Variants in RORB observed in about 807,000 individuals in gnomAD.
RORB encodes the protein nuclear receptor ROR-beta.
Under a neutral mutation model 59.1 loss-of-function variants are expected in RORB, and 6 were observed. The ratio of observed to expected loss-of-function variants is 0.10; its 90% confidence interval spans 0.06 to 0.20. The LOEUF (loss-of-function observed/expected upper bound fraction) is 0.20. Among genes scored for constraint, RORB ranks in the 10% least tolerant of loss-of-function variants. The pLI, the probability that RORB is intolerant of heterozygous loss-of-function variation, is 1.00. For missense variants in RORB, 320 were observed against 560.5 expected (o/e 0.57, Z 4.33); for synonymous variants, 215 against 204.5 (o/e 1.05, Z -0.44).
At chr9:74,571,365 G>A (rs1275917253) in intron 1 of RORB, among the ~76,000 whole-genome samples, 1 of 149,866 alleles carries the variant, frequency 6.7e-6, no homozygotes, top group South Asian at 2.1e-4. Context: ...GTACTCCGGA[G>A]CAGTATTTTT....
chr9:74,557,234 T>C (rs1288917143), intron 1 of RORB, among the ~76,000 whole-genome samples: 1 of 152,204 alleles, frequency 6.6e-6, no homozygotes, highest in Non-Finnish European at 1.5e-5. Context: ...TGGCATTCTC[T>C]AACATCGTTG....
chr9:74,608,556 T>A (rs1823185104), intron 1 of RORB, among the ~76,000 whole-genome samples: 1 of 99,712 alleles, frequency 1.0e-5, no homozygotes, highest in African/African-American at 3.6e-5. Flanking sequence ...AGAGTGAGAC[T>A]CCGTCTCAAA....
At chr9:74,682,809 C>A (rs1180011610) in intron 9 of RORB, among the ~76,000 whole-genome samples, 1 of 152,196 alleles carries the variant, frequency 6.6e-6, no homozygotes, top group Non-Finnish European at 1.5e-5. Flanking sequence ...CCAGGCTGGT[C>A]TCAAACTCCT....
intron 1 of RORB, among the ~76,000 whole-genome samples, chr9:74,552,241 G>C (rs531896036): frequency 2.0e-3 from 301 of 152,290 alleles, no homozygotes; most frequent in African/African-American, 7.0e-3. Flanking sequence ...CAGTGGAAGT[G>C]ATCAAGTGTT....
intron 1 of RORB, among the ~76,000 whole-genome samples, chr9:74,553,304 A>T (rs1563935753): frequency 6.6e-6 from 1 of 152,170 alleles, no homozygotes; most frequent in Non-Finnish European, 1.5e-5. Context: ...CTGTTTCAGG[A>T]ACCAAACATT....
chr9:74,543,271 C>G (rs1485266027), intron 1 of RORB, among the ~76,000 whole-genome samples: 1 of 152,158 alleles, frequency 6.6e-6, no homozygotes, highest in African/African-American at 2.4e-5. Context: ...GTTTTCACCC[C>G]AGTAGTATCT....
chr9:74,497,944 C>T lies in RORB; in HGVS notation c.-33C>T. The T allele has an allele frequency of 6.2e-7, 1 of 1,611,336 alleles. No individual in the cohort carries two copies. Among genetic ancestry groups the T allele is most frequent in the Non-Finnish European group, 8.5e-7 (1 of 1,179,066 alleles). On this transcript the variant is annotated 5_prime_UTR_variant, in exon 1 of 10. Transcript: ENST00000376896. ...CCGGGGTTCGGGCTGGGAGCAGCTT[C>T]ATGACTACGCGGAGCGGGAGAGCGG...
intron 1 of RORB, among the ~76,000 whole-genome samples, chr9:74,540,345 C>T (rs1474850828): frequency 3.9e-5 from 6 of 152,094 alleles, no homozygotes; most frequent in Non-Finnish European, 8.8e-5. Context: ...TAACCTCAGT[C>T]ACATTATTTA....
chr9:74,530,553 G>A (rs1170853526), intron 1 of RORB, among the ~76,000 whole-genome samples: 3 of 151,978 alleles, frequency 2.0e-5, no homozygotes, highest in Non-Finnish European at 2.9e-5. Context: ...GAACTGATCT[G>A]CAAATCAGGC....
Position 74,541,279 on chromosome 9 carries a change from CAA to C in RORB, c.7+43322_7+43323del, listed in dbSNP as rs374556016. ...TGGGCAACAGAAAGAGACTCCATCT[CAA>C]AAAAAAAAAAAAAAAAAAAAAAAAA... is the stretch of plus-strand genomic sequence containing the variant. On this transcript the variant is annotated intron_variant, in intron 1 of 9. Coordinates refer to ENST00000376896, the MANE Select transcript of RORB (RefSeq NM_006914.4). Among the ~76,000 whole-genome samples, 212 of 43,490 alleles carry C rather than the reference CAA, an allele frequency of 4.9e-3. 1 individual carries two copies. The highest frequency in any genetic ancestry group is 0.023 in the African/African-American group (140 of 6,202). 28.5% of individuals were successfully genotyped at this position (43,490 alleles called of 152,430 possible). A position where few individuals can be genotyped will look rare whatever the true frequency, so the allele number is the denominator to read the frequency against.
At chr9:74,583,948 C>A (rs1415241538) in intron 1 of RORB, among the ~76,000 whole-genome samples, 1 of 152,166 alleles carries the variant, frequency 6.6e-6, no homozygotes, top group Non-Finnish European at 1.5e-5. Context: ...GTTGCTCAAG[C>A]TTATGCAAAT....
At chr9:74,592,916 G>C (rs1432559484) in intron 1 of RORB, among the ~76,000 whole-genome samples, 1 of 152,006 alleles carries the variant, frequency 6.6e-6, no homozygotes, top group Admixed American at 6.6e-5. Context: ...AGAGCTAGGG[G>C]AAGCTGTCAG....
intron 2 of RORB, among the ~76,000 whole-genome samples, chr9:74,634,165 A>G (rs1217638397): frequency 6.6e-6 from 1 of 152,144 alleles, no homozygotes; most frequent in Non-Finnish European, 1.5e-5. Context: ...AGAAACTAAG[A>G]AAACAGTAGT....
Position 74,554,982 on chromosome 9 carries a change from A to G in RORB, c.7+56999A>G, listed in dbSNP as rs557031861. Among the ~76,000 whole-genome samples, 8 of 152,328 alleles carry G rather than the reference A, an allele frequency of 5.3e-5. 1 individual carries two copies. The highest frequency in any genetic ancestry group is 5.2e-4 in the Admixed American group (8 of 15,298). On this transcript the variant is annotated intron_variant, in intron 1 of 9. Transcript: ENST00000376896. ...TACAGAAGAGGAGAGCAAAAAAAAG[A>G]CCTAGAGAGAAACGTGGGCGCAGAA... is the stretch of plus-strand genomic sequence containing the variant.
intron 1 of RORB, among the ~76,000 whole-genome samples, chr9:74,582,739 G>A (rs9792521): frequency 0.42 from 63,130 of 151,974 alleles, 14,397 homozygotes; most frequent in East Asian, 0.77. Context: ...TCACCCTGCC[G>A]TCTTGTGCCC....
At chr9:74,528,391 G>T (rs540267588) in intron 1 of RORB, among the ~76,000 whole-genome samples, 34 of 152,104 alleles carry the variant, frequency 2.2e-4, no homozygotes, top group Middle Eastern at 6.8e-3. Flanking sequence ...AGGCATCAAC[G>T]TCTCAAGTGT....
chr9:74,497,580 T>C lies in RORB; in HGVS notation c.-397T>C. The C allele has an allele frequency of 4.2e-6, 1 of 240,554 alleles. No individual in the cohort carries two copies. Among genetic ancestry groups the C allele is most frequent in the Non-Finnish European group, 8.0e-6 (1 of 125,240 alleles). 14.9% of individuals were successfully genotyped at this position (240,554 alleles called of 1,614,324 possible). On this transcript the variant is annotated 5_prime_UTR_variant, in exon 1 of 10. Coordinates refer to ENST00000376896, the MANE Select transcript of RORB (RefSeq NM_006914.4). ...CTGCTGCTGCCCTTCCTCCTCCTCC[T>C]CAGTCCAAGTGATCACAAAAGAAAT...
At chr9:74,649,514 T>C (rs1179122741) in intron 4 of RORB, among the ~76,000 whole-genome samples, 2 of 152,202 alleles carry the variant, frequency 1.3e-5, no homozygotes, top group Non-Finnish European at 2.9e-5. Flanking sequence ...TGAATTATCG[T>C]AGAGGATACC....
At chr9:74,550,940 T>C (rs1826598076) in intron 1 of RORB, among the ~76,000 whole-genome samples, 1 of 152,226 alleles carries the variant, frequency 6.6e-6, no homozygotes. Context: ...AATTTCTATA[T>C]TGCTTGCACA....
Sources: gnomAD v4.1 joint callset for allele counts (sites outside exome capture counted in the v4.1 genomes callset) on GRCh38, gnomAD v4.1.1 for gene constraint, MANE v1.5 for transcripts, NCBI Gene and HGNC (gene_info 2026-07-23, HGNC 2026-07-21) for gene names.